VCF1: variants seen among roughly 807,000 people sequenced by gnomAD.
The protein encoded by VCF1 is VCP nuclear cofactor family member 1, also known as protein VCF1.
chr17:73,208,213 T>C, the VCF1 span: 1 of 1,599,078 alleles, frequency 6.3e-7, no homozygotes, highest in South Asian at 1.1e-5. Flanking sequence ...TCAGCTCCGC[T>C]TGTGTGTGCC....
At chr17:73,227,141 A>C in the VCF1 span, 1 of 1,500,374 alleles carries the variant, frequency 6.7e-7, no homozygotes, top group Non-Finnish European at 9.0e-7. Flanking sequence ...TGAAAACAAC[A>C]GACTATGTGA....
At chr17:73,219,003 G>C in the VCF1 span, among the ~76,000 whole-genome samples, 1 of 151,568 alleles carries the variant, frequency 6.6e-6, no homozygotes, top group Non-Finnish European at 1.5e-5. Context: ...CTGGATGGCA[G>C]AGCGAGACTC....
the VCF1 span, among the ~76,000 whole-genome samples, chr17:73,220,725 A>G: frequency 6.6e-6 from 1 of 150,888 alleles, no homozygotes; most frequent in South Asian, 2.1e-4. Flanking sequence ...GATTATAGAC[A>G]TGGCCCGGCA....
At chr17:73,211,524 C>T in the VCF1 span, among the ~76,000 whole-genome samples, 7 of 149,390 alleles carry the variant, frequency 4.7e-5, no homozygotes, top group Admixed American at 2.0e-4. Context: ...GCCGAGATCG[C>T]GCCATTGCAC....
the VCF1 span, among the ~76,000 whole-genome samples, chr17:73,218,260 G>C: frequency 1.6e-4 from 25 of 152,180 alleles, no homozygotes; most frequent in Non-Finnish European, 3.5e-4. Flanking sequence ...GAAAACTTCA[G>C]ATCTACCAAT....
the VCF1 span, chr17:73,208,232 T>C: frequency 6.2e-7 from 1 of 1,606,154 alleles, no homozygotes; most frequent in Non-Finnish European, 8.5e-7. Context: ...CCGTGTGGAC[T>C]CCGAGTGGCG....
At chr17:73,226,197 G>T in the VCF1 span, among the ~76,000 whole-genome samples, 1 of 151,986 alleles carries the variant, frequency 6.6e-6, no homozygotes, top group African/African-American at 2.4e-5. Context: ...CACTGCGCTC[G>T]GCCAGGAAAA....
At chr17:73,219,459 C>T in the VCF1 span, among the ~76,000 whole-genome samples, 2 of 150,642 alleles carry the variant, frequency 1.3e-5, no homozygotes, top group East Asian at 2.0e-4. Context: ...ACCATCCTGG[C>T]GAACACTGTG....
chr17:73,224,997 CAGG>C, the VCF1 span, among the ~76,000 whole-genome samples: 28 of 96,192 alleles, frequency 2.9e-4, 1 homozygote, highest in East Asian at 7.5e-3. Context: ...CAGCACAGGA[CAGG>C]ACAGGACAGC....
At chr17:73,212,013 C>T in the VCF1 span, among the ~76,000 whole-genome samples, 5 of 152,080 alleles carry the variant, frequency 3.3e-5, no homozygotes, top group African/African-American at 4.8e-5. Context: ...CCTACGCAAT[C>T]GGAATGAGAC....
At chr17:73,210,753 CGTT>C in the VCF1 span, among the ~76,000 whole-genome samples, 6 of 128,098 alleles carry the variant, frequency 4.7e-5, no homozygotes, top group South Asian at 2.6e-4. Context: ...CACCATGCCT[CGTT>C]ATTTTTTTTT....
At chr17:73,212,657 T>C in the VCF1 span, 1 of 1,582,424 alleles carries the variant, frequency 6.3e-7, no homozygotes, top group Non-Finnish European at 8.6e-7. Flanking sequence ...AACAGGTCAC[T>C]ACACTCAATT....
At chr17:73,213,072 C>T in the VCF1 span, among the ~76,000 whole-genome samples, 15 of 151,810 alleles carry the variant, frequency 9.9e-5, no homozygotes, top group African/African-American at 2.2e-4. Context: ...GGTGAAACCC[C>T]GTCTCTACTA....
chr17:73,228,671 A>C, the VCF1 span, among the ~76,000 whole-genome samples: 2 of 152,142 alleles, frequency 1.3e-5, no homozygotes, highest in East Asian at 3.8e-4. Flanking sequence ...ATTACTTTGA[A>C]GTAGTTGGAG....
the VCF1 span, among the ~76,000 whole-genome samples, chr17:73,225,899 A>ATATATATATATATATATAT: frequency 8.7e-6 from 1 of 114,844 alleles, no homozygotes; most frequent in African/African-American, 3.8e-5. Context: ...ATATATATAT[A>ATATATATATATATATATAT]TTTTTTTTTT....
At chr17:73,225,583 A>G in the VCF1 span, among the ~76,000 whole-genome samples, 10 of 152,006 alleles carry the variant, frequency 6.6e-5, no homozygotes, top group Admixed American at 6.6e-4. Flanking sequence ...CCTTGACTGA[A>G]ATGAACATCA....
At chr17:73,232,265 C>A in the VCF1 span, 61 of 1,607,756 alleles carry the variant, frequency 3.8e-5, no homozygotes, top group Non-Finnish European at 4.7e-5. Flanking sequence ...CAGTCGGACC[C>A]GTACCACCAC....
chr17:73,219,494 A>T, the VCF1 span, among the ~76,000 whole-genome samples: 6 of 151,154 alleles, frequency 4.0e-5, no homozygotes, highest in African/African-American at 9.7e-5. Context: ...CTAAAAATAC[A>T]AAAAAATTAG....
At chr17:73,210,533 G>A in the VCF1 span, among the ~76,000 whole-genome samples, 9 of 149,074 alleles carry the variant, frequency 6.0e-5, no homozygotes, top group East Asian at 3.9e-4. Flanking sequence ...AGAAATTCCC[G>A]CCTTCCACCA....
Sources: allele counts gnomAD v4.1 joint callset (sites outside exome capture counted in the v4.1 genomes callset), GRCh38; gene constraint gnomAD v4.1.1; transcripts MANE v1.5; gene names NCBI Gene and HGNC (gene_info 2026-07-23, HGNC 2026-07-21).